TBC1D15: variants seen among roughly 807,000 people sequenced by gnomAD.
The protein encoded by TBC1D15 is TBC1 domain family member 15.
TBC1D15 carries 39 observed loss-of-function variants against 95.4 expected under a neutral mutation model. That is an observed-to-expected ratio of 0.41 (90% CI 0.32 to 0.53). The LOEUF is 0.53. TBC1D15 is among the 20% of genes least tolerant of loss of function. The pLI is 0.29. For synonymous variants in TBC1D15, 258 were observed against 261.3 expected, an observed-to-expected ratio of 0.99 and a Z score of 0.12; for missense variants, 733 against 794.3, an observed-to-expected ratio of 0.92 and a Z score of 0.93.
intron 1 of TBC1D15, among the ~76,000 whole-genome samples, chr12:71,868,533 A>T (rs1031264280): frequency 1.3e-5 from 2 of 152,178 alleles, no homozygotes; most frequent in Non-Finnish European, 2.9e-5. Flanking sequence ...GGTGTGAGCC[A>T]CTGTGCCCGG....
At chr12:71,882,562 C>T (rs1895420274) in intron 4 of TBC1D15, among the ~76,000 whole-genome samples, 1 of 152,034 alleles carries the variant, frequency 6.6e-6, no homozygotes, top group Non-Finnish European at 1.5e-5. Flanking sequence ...TTTTCTTTAC[C>T]TTTGCTTTGA....
At chr12:71,870,619 C>T (rs1038044741) in intron 1 of TBC1D15, among the ~76,000 whole-genome samples, 21 of 152,164 alleles carry the variant, frequency 1.4e-4, no homozygotes, top group Admixed American at 7.9e-4. Context: ...TGGCTAAGAG[C>T]GCAGTTTTCT....
intron 1 of TBC1D15, among the ~76,000 whole-genome samples, chr12:71,858,772 G>T (rs1889720475): frequency 6.6e-6 from 1 of 151,868 alleles, no homozygotes; most frequent in Non-Finnish European, 1.5e-5. Context: ...GCCCAGGCTG[G>T]TCTTGAACTC....
intron 16 of TBC1D15, 57 bp downstream of exon 16, chr12:71,921,511 A>G: frequency 2.8e-6 from 3 of 1,087,828 alleles, no homozygotes; most frequent in African/African-American, 3.2e-5. Flanking sequence ...GTTGAGATCA[A>G]GAAAGATTTT....
chr12:71,902,987 A>G (rs768306691), intron 10 of TBC1D15, among the ~76,000 whole-genome samples: 9 of 152,136 alleles, frequency 5.9e-5, no homozygotes, highest in Non-Finnish European at 1.2e-4. Flanking sequence ...ATCTCGGCTC[A>G]CTGCAACCCC....
intron 1 of TBC1D15, among the ~76,000 whole-genome samples, chr12:71,844,448 T>A (rs1885825026): frequency 6.6e-6 from 1 of 152,226 alleles, no homozygotes; most frequent in Non-Finnish European, 1.5e-5. Flanking sequence ...AGAACATATA[T>A]CCTCTGCTTC....
At chr12:71,870,473 G>A (rs1440376129) in intron 1 of TBC1D15, among the ~76,000 whole-genome samples, 2 of 152,118 alleles carry the variant, frequency 1.3e-5, no homozygotes, top group Non-Finnish European at 2.9e-5. Context: ...TCTTACTTAG[G>A]TTTTTGAAAT....
chr12:71,894,784 T>C lies in TBC1D15; in HGVS notation c.756T>C (p.His252=), dbSNP rs1897849960. 8.1e-6 allele frequency: 13 copies of C among 1,613,328 alleles called. No individual in the cohort carries two copies. The highest frequency in any genetic ancestry group is 9.3e-6 in the Non-Finnish European group (11 of 1,179,430). Residue 252 remains histidine, a synonymous_variant, in exon 7 of 17, where the codon CAT becomes CAC. Transcript: ENST00000485960. ...DSLRGSDPST[H]QRPPSEMADF... ...TGAGAGGCAGCGATCCCTCTACACATCAACGACCACCTTCAGAAATGGCAG... is the reference window on the plus strand; with the variant it reads ...TGAGAGGCAGCGATCCCTCTACACACCAACGACCACCTTCAGAAATGGCAG...
chr12:71,896,599 T>G, intron 8 of TBC1D15, 78 bp from the exon 9 acceptor site: 1 of 1,257,376 alleles, frequency 8.0e-7, no homozygotes, highest in Non-Finnish European at 1.1e-6. Flanking sequence ...TTAGTTTTCC[T>G]TTTTATATGC....
At chr12:71,840,848 A>C (rs1302056695) in intron 1 of TBC1D15, among the ~76,000 whole-genome samples, 1 of 152,158 alleles carries the variant, frequency 6.6e-6, no homozygotes, top group Non-Finnish European at 1.5e-5. Flanking sequence ...TTTTGCTGTT[A>C]ATCTGAAGTA....
Position 71,923,010 on chromosome 12 carries a change from C to T in TBC1D15, c.1831C>T (p.Leu611Phe). The change falls in exon 17 of 17, where the codon CTT (leucine) becomes TTT (phenylalanine). Residue 611 changes from leucine to phenylalanine, a missense_variant. Leu to Phe is a conservative substitution (Grantham distance 22, BLOSUM62 0). Coordinates refer to ENST00000485960, the MANE Select transcript of TBC1D15 (RefSeq NM_001146213.3). ...ATTGCCACAAGCAGTCTGTGAGATCCTTGGGCTTCAAGGCAGTGAAGTTAC... is the reference window on the plus strand; with the variant it reads ...ATTGCCACAAGCAGTCTGTGAGATCTTTGGGCTTCAAGGCAGTGAAGTTAC... Reference protein sequence around the residue: ...KELPQAVCEILGLQGSEVTTP... With the variant: ...KELPQAVCEIFGLQGSEVTTP... The T allele has an allele frequency of 1.2e-6, 2 of 1,614,174 alleles. No homozygotes were observed. The highest frequency in any genetic ancestry group is 2.2e-5 in the South Asian group (2 of 91,082).
At chr12:71,852,211 G>C (rs931522157) in intron 1 of TBC1D15, among the ~76,000 whole-genome samples, 2 of 152,184 alleles carry the variant, frequency 1.3e-5, no homozygotes, top group Non-Finnish European at 2.9e-5. Flanking sequence ...CTTTACCTGG[G>C]CCCTTTTGAG....
intron 6 of TBC1D15, chr12:71,894,202 C>A (rs1897736394): frequency 1.8e-5 from 14 of 766,542 alleles, no homozygotes; most frequent in Non-Finnish European, 2.8e-5. Context: ...ATTTACTATT[C>A]ATATAATTAG....
chr12:71,898,238 CTTTAT>C (rs892159905), intron 10 of TBC1D15, among the ~76,000 whole-genome samples: 12 of 151,868 alleles, frequency 7.9e-5, no homozygotes, highest in African/African-American at 2.9e-4. Context: ...TTTTAAAAAA[CTTTAT>C]TTTCTTTTTT....
chr12:71,871,259 T>C (rs1041153069), intron 1 of TBC1D15, among the ~76,000 whole-genome samples: 1 of 152,210 alleles, frequency 6.6e-6, no homozygotes, highest in African/African-American at 2.4e-5. Context: ...TGGTCTTTTA[T>C]GTGCTTTTTA....
chr12:71,856,500 T>C (rs1407949494), intron 1 of TBC1D15, among the ~76,000 whole-genome samples: 1 of 152,220 alleles, frequency 6.6e-6, no homozygotes, highest in Non-Finnish European at 1.5e-5. Flanking sequence ...GTCTTTTTCT[T>C]CTTTTAGCCT....
intron 10 of TBC1D15, among the ~76,000 whole-genome samples, chr12:71,902,218 C>G (rs1899547545): frequency 6.6e-6 from 1 of 152,058 alleles, no homozygotes; most frequent in African/African-American, 2.4e-5. Context: ...ACATTTTTCA[C>G]AGAATTAGAA....
In TBC1D15 at chr12:71,884,932, G is replaced by A; in HGVS notation, c.465G>A (p.Lys155=). The change falls in exon 5 of 17, where the codon AAG becomes AAA. Residue 155 remains lysine, a synonymous_variant. Coordinates refer to ENST00000485960, the MANE Select transcript of TBC1D15 (RefSeq NM_001146213.3). ...MGWSYLVFCL[K]DDVVLPALHF... ...GGTCCTATTTGGTATTCTGTCTAAA[G>A]GATGACGTCGTTCTCCCTGCTCTAC... is the stretch of plus-strand genomic sequence containing the variant. 2 of 1,613,704 alleles carry A rather than the reference G, an allele frequency of 1.2e-6. No homozygotes were observed. The highest frequency in any genetic ancestry group is 1.7e-6 in the Non-Finnish European group (2 of 1,179,844).
chr12:71,872,556 T>C (rs1180067697), intron 2 of TBC1D15, among the ~76,000 whole-genome samples: 1 of 152,192 alleles, frequency 6.6e-6, no homozygotes, highest in Non-Finnish European at 1.5e-5. Flanking sequence ...AATACTGTGC[T>C]GAAAGTGAAA....
Sources: allele counts gnomAD v4.1 joint callset (sites outside exome capture counted in the v4.1 genomes callset), GRCh38; gene constraint gnomAD v4.1.1; transcripts MANE v1.5; gene names NCBI Gene and HGNC (gene_info 2026-07-23, HGNC 2026-07-21).